Variants in PCDHB14 observed in about 807,000 individuals in gnomAD.
PCDHB14 encodes protocadherin beta-14.
For missense variants in PCDHB14, 1,129 were observed against 1,000.5 expected (o/e 1.13, Z -1.73); for synonymous variants, 511 against 441.5 (o/e 1.16, Z -1.97).
chr5:141,223,533 C>A lies in PCDHB14; in HGVS notation c.28C>A (p.Arg10=), dbSNP rs147283704. Residue 10 remains arginine (R), a synonymous_variant, in exon 1 of 1, where the codon CGA becomes AGA. Transcript: ENST00000239449. The part of the protein sequence containing the change: MEIRGALDL[R]KRQVLIFLVL... Reference sequence around the variant, plus strand: ...GGAGATCAGAGGGGCACTCGATCTGCGAAAAAGGCAAGTTCTAATATTCCT... The same window carrying A: ...GGAGATCAGAGGGGCACTCGATCTGAGAAAAAGGCAAGTTCTAATATTCCT... The A allele has an allele frequency of 6.2e-7, 1 of 1,612,064 alleles. No homozygotes were observed. Among genetic ancestry groups the A allele is most frequent in the South Asian group, 1.1e-5 (1 of 90,930 alleles).
In PCDHB14 at chr5:141,225,974, G is replaced by C. The variant is rs149077640; in HGVS notation, c.*72G>C. Reference sequence around the variant, plus strand: ...GATGGTACTTTTTGCATAATCTTTTGTGGATTCTTGGTTGTACTGTAGTTG... The same window carrying C: ...GATGGTACTTTTTGCATAATCTTTTCTGGATTCTTGGTTGTACTGTAGTTG... On this transcript the variant is annotated 3_prime_UTR_variant, in exon 1 of 1. Transcript: ENST00000239449. 4.5e-3 allele frequency: 6,167 copies of C among 1,378,730 alleles called. 30 individuals are homozygous for C. The highest frequency in any genetic ancestry group is 5.5e-3 in the South Asian group (404 of 73,346). The allele number at this position is 1,378,730 out of a possible 1,614,324, so 85.4% of individuals were successfully genotyped here.
At position 141,226,068 on chromosome 5, in the gene PCDHB14, G is replaced by T. The variant is rs1289181619; in HGVS notation, c.*166G>T. The T allele has an allele frequency of 3.0e-6, 2 of 664,378 alleles. No homozygotes were observed. Among genetic ancestry groups the T allele is most frequent in the African/African-American group, 1.8e-5 (1 of 54,724 alleles). The allele number at this position is 664,378 out of a possible 1,614,324, so 41.2% of individuals were successfully genotyped here. ...AATCTTTATTAGTGGCTATAATGACGTGGAAATGTAATCTGTGTTTTCTGG... is the reference window on the plus strand; with the variant it reads ...AATCTTTATTAGTGGCTATAATGACTTGGAAATGTAATCTGTGTTTTCTGG... On this transcript the variant is annotated 3_prime_UTR_variant, in exon 1 of 1. Transcript: ENST00000239449.
rs1277062277 is a variant in PCDHB14 at position 141,224,709 on chromosome 5, A to G, written c.1204A>G (p.Thr402Ala). The G allele has an allele frequency of 3.1e-6, 5 of 1,613,980 alleles. No individual in the cohort carries two copies. Among genetic ancestry groups the G allele is most frequent in the Admixed American group, 1.7e-5 (1 of 60,008 alleles). ...FLKPTFKNFFTLVSEKALDRE... is the reference protein window; with the variant it reads ...FLKPTFKNFFALVSEKALDRE... ...GAAACCGACCTTCAAGAACTTTTTC[A>G]CTCTAGTTTCTGAAAAAGCACTGGA... The change falls in exon 1 of 1, where the codon ACT becomes GCT. Residue 402 changes from threonine to alanine, a missense_variant. By Grantham distance (58) the Thr-to-Ala change is moderately conservative. Transcript: ENST00000239449.
In PCDHB14 at chr5:141,226,028, C is replaced by G. The variant is rs1336209524; in HGVS notation, c.*126C>G. On this transcript the variant is annotated 3_prime_UTR_variant, in exon 1 of 1. Coordinates refer to ENST00000239449, the MANE Select transcript of PCDHB14 (RefSeq NM_018934.4). ...GCATGATTATAGCTCTTGTTTTTCTCACAGTTTCTTTAAAAATCTTTATTA... is the reference window on the plus strand; with the variant it reads ...GCATGATTATAGCTCTTGTTTTTCTGACAGTTTCTTTAAAAATCTTTATTA... The G allele has an allele frequency of 1.2e-6, 1 of 856,278 alleles. No individual in the cohort carries two copies. The highest frequency in any genetic ancestry group is 1.7e-5 in the African/African-American group (1 of 58,500). 53.0% of individuals were successfully genotyped at this position (856,278 alleles called of 1,614,324 possible). A position where few individuals can be genotyped will look rare whatever the true frequency, so the allele number is the denominator to read the frequency against.
chr5:141,224,836 T>C lies in PCDHB14; in HGVS notation c.1331T>C (p.Val444Ala). ...EYNITVLLSD[V>A]NDNAPTFTQT... ...AACATAACCGTGCTGCTCTCTGACG[T>C]CAATGACAACGCCCCCACCTTCACC... Residue 444 changes from valine to alanine, a missense_variant, in exon 1 of 1, where the codon GTC (valine) becomes GCC (alanine). Physicochemically the swap from Val to Ala is moderately conservative, Grantham distance 64. Coordinates refer to ENST00000239449, the MANE Select transcript of PCDHB14 (RefSeq NM_018934.4). The C allele has an allele frequency of 6.2e-7, 1 of 1,613,966 alleles. No homozygotes were observed. The highest frequency in any genetic ancestry group is 8.5e-7 in the Non-Finnish European group (1 of 1,180,038).
chr5:141,226,541 C>G lies in PCDHB14; in HGVS notation c.*639C>G, dbSNP rs991077510. Reference sequence around the variant, plus strand: ...CTTATAATGCTCTGGGCTTTGCTGTCACTCTTTGGTTTTCTTAATTTAATT... The same window carrying G: ...CTTATAATGCTCTGGGCTTTGCTGTGACTCTTTGGTTTTCTTAATTTAATT... On this transcript the variant is annotated 3_prime_UTR_variant, in exon 1 of 1. Transcript: ENST00000239449. 6.6e-6 allele frequency: 1 copy of G among 152,168 alleles called. No individual in the cohort carries two copies. The highest frequency in any genetic ancestry group is 1.5e-5 in the Non-Finnish European group (1 of 68,058). 9.4% of individuals were successfully genotyped at this position (152,168 alleles called of 1,614,324 possible).
At position 141,226,669 on chromosome 5, in the gene PCDHB14, G is replaced by A. The variant is rs1754868176; in HGVS notation, c.*767G>A. The A allele has an allele frequency of 6.6e-6, 1 of 152,216 alleles. No homozygotes were observed. The highest frequency in any genetic ancestry group is 2.1e-4 in the South Asian group (1 of 4,818). 9.4% of individuals were successfully genotyped at this position (152,216 alleles called of 1,614,324 possible). On this transcript the variant is annotated 3_prime_UTR_variant, in exon 1 of 1. Transcript: ENST00000239449. The stretch of plus-strand genomic sequence containing the variant: ...TGCCGCCTTGACTTCCTGGGTTCAG[G>A]TGATTCTCCTGCCTCAGCCTCCTGA...
Position 141,223,908 on chromosome 5 carries a change from G to A in PCDHB14, c.403G>A (p.Asp135Asn), listed in dbSNP as rs137950321. ...AAATGATCACTCCCCTACATTTCTA[G>A]ACAAGGAAATACTTATTAAAATATC... ...DINDHSPTFLDKEILIKISEG... is the reference protein window; with the variant it reads ...DINDHSPTFLNKEILIKISEG... Residue 135 changes from aspartate to asparagine, a missense_variant, in exon 1 of 1, where the codon GAC (aspartate) becomes AAC (asparagine). Transcript: ENST00000239449. 6.1e-5 allele frequency: 99 copies of A among 1,613,854 alleles called. No homozygotes were observed. The East Asian group carries it at 1.9e-3, about 31-fold the overall frequency.
rs1197508377 is a variant in PCDHB14, at chr5:141,225,711, C to A, written c.2206C>A (p.Leu736Met). The A allele has an allele frequency of 2.4e-5, 38 of 1,613,896 alleles. No homozygotes were observed. Among genetic ancestry groups the A allele is most frequent in the Non-Finnish European group, 2.9e-5 (34 of 1,179,856 alleles). Reference sequence around the variant, plus strand: ...GCCCGAGGGTCCCTTTCCAGGGCATCTGGTGGACGTGAGCGGCACCGGGAC... The same window carrying A: ...GCCCGAGGGTCCCTTTCCAGGGCATATGGTGGACGTGAGCGGCACCGGGAC... Reference protein sequence around the residue: ...SVPEGPFPGHLVDVSGTGTLS... With the variant: ...SVPEGPFPGHMVDVSGTGTLS... The change falls in exon 1 of 1, where the codon CTG becomes ATG. Residue 736 changes from leucine to methionine, a missense_variant. Physicochemically the swap from Leu to Met is conservative, Grantham distance 15. Coordinates refer to ENST00000239449, the MANE Select transcript of PCDHB14 (RefSeq NM_018934.4).
chr5:141,224,826 C>T lies in PCDHB14; in HGVS notation c.1321C>T (p.Leu441Phe), dbSNP rs542891236. Residue 441 changes from leucine (L) to phenylalanine (F), a missense_variant, in exon 1 of 1, where the codon CTC (leucine) becomes TTC (phenylalanine). Coordinates refer to ENST00000239449, the MANE Select transcript of PCDHB14 (RefSeq NM_018934.4). ...LKTEYNITVL[L>F]SDVNDNAPTF... is the part of the protein sequence containing the mutation. ...AACCGAGTACAACATAACCGTGCTG[C>T]TCTCTGACGTCAATGACAACGCCCC... 1 of 1,614,044 alleles carries T rather than the reference C, an allele frequency of 6.2e-7. No individual in the cohort carries two copies. The highest frequency in any genetic ancestry group is 2.2e-5 in the East Asian group (1 of 44,878).
At position 141,224,928 on chromosome 5, in the gene PCDHB14, G is replaced by A. The variant is rs147886619; in HGVS notation, c.1423G>A (p.Ala475Thr). 2 of 1,612,856 alleles carry A rather than the reference G, an allele frequency of 1.2e-6. No homozygotes were observed. The highest frequency in any genetic ancestry group is 3.3e-5 in the Admixed American group (2 of 60,022). ...CGCCCTGCACATCGGCAGCGTCAGC[G>A]CCACAGACAGAGACTCAGGCACCAA... ...SPALHIGSVS[A>T]TDRDSGTNAQ... Residue 475 changes from alanine to threonine, a missense_variant, in exon 1 of 1, where the codon GCC becomes ACC. Ala to Thr is a moderately conservative substitution (Grantham distance 58, BLOSUM62 0). Transcript: ENST00000239449.
chr5:141,224,104 T>G lies in PCDHB14; in HGVS notation c.599T>G (p.Leu200Ter). 1 of 1,614,058 alleles carries G rather than the reference T, an allele frequency of 6.2e-7. No homozygotes were observed. Among genetic ancestry groups the G allele is most frequent in the Non-Finnish European group, 8.5e-7 (1 of 1,180,020 alleles). ...CCAGAGCTGGTCCTAGATAGAGCTT[T>G]AGATTATGAACAGGAAGCTGAACTC... ...IYPELVLDRA[L>*]DYEQEAELRL... The change falls in exon 1 of 1, where the codon TTA becomes TGA. Residue 200 changes from leucine to a stop codon, truncating the protein, a stop_gained. Transcript: ENST00000239449. LOFTEE classifies it low-confidence loss of function (END_TRUNC).
At position 141,224,411 on chromosome 5, in the gene PCDHB14, T is replaced by C. The variant is rs1236100580; in HGVS notation, c.906T>C (p.Asn302=). ...FEINPISGEV[N]LRSPLDFEVI... Reference sequence around the variant, plus strand: ...TTAATCCAATATCTGGGGAAGTTAATTTGAGATCACCCCTGGATTTTGAAG... The same window carrying C: ...TTAATCCAATATCTGGGGAAGTTAACTTGAGATCACCCCTGGATTTTGAAG... The change falls in exon 1 of 1, where the codon AAT becomes AAC. Residue 302 remains asparagine, a synonymous_variant. Coordinates refer to ENST00000239449, the MANE Select transcript of PCDHB14 (RefSeq NM_018934.4). The C allele has an allele frequency of 3.7e-6, 6 of 1,606,766 alleles. No individual in the cohort carries two copies. Among genetic ancestry groups the C allele is most frequent in the African/African-American group, 2.7e-5 (2 of 74,528 alleles).
rs1157307617 is a variant in PCDHB14, at chr5:141,226,130, A to C, written c.*228A>C. The C allele has an allele frequency of 1.9e-6, 1 of 526,554 alleles. No homozygotes were observed. The highest frequency in any genetic ancestry group is 3.8e-5 in the Admixed American group (1 of 26,174). The allele number at this position is 526,554 out of a possible 1,614,324, so 32.6% of individuals were successfully genotyped here. A position where few individuals can be genotyped will look rare whatever the true frequency, so the allele number is the denominator to read the frequency against. ...TTTGGCCAAAATGTTATATTAATGG[A>C]GTTATTGCTATTTTTGCTGTGATAA... On this transcript the variant is annotated 3_prime_UTR_variant, in exon 1 of 1. Coordinates refer to ENST00000239449, the MANE Select transcript of PCDHB14 (RefSeq NM_018934.4).
In PCDHB14 at chr5:141,225,341, C is replaced by T. The variant is rs781857021; in HGVS notation, c.1836C>T (p.Pro612=). 24 of 1,602,854 alleles carry T rather than the reference C, an allele frequency of 1.5e-5. No homozygotes were observed. The highest frequency in any genetic ancestry group is 6.7e-5 in the Admixed American group (4 of 59,870). ...ACCAGCTGCTCAAGGCCACGGAGCC[C>T]GGGCTGTTCGGCGTGTGGGCGCACA... The part of the protein sequence containing the change: ...LSYQLLKATE[P]GLFGVWAHNG... The change falls in exon 1 of 1, where the codon CCC becomes CCT. Residue 612 remains proline, a synonymous_variant. Coordinates refer to ENST00000239449, the MANE Select transcript of PCDHB14 (RefSeq NM_018934.4).
In PCDHB14 at chr5:141,225,808, A is replaced by G. The variant is rs1554289589; in HGVS notation, c.2303A>G (p.Lys768Arg). The G allele has an allele frequency of 6.2e-7, 1 of 1,614,186 alleles. No individual in the cohort carries two copies. The highest frequency in any genetic ancestry group is 1.1e-5 in the South Asian group (1 of 91,078). ...GSGTNEFKFL[K>R]PIIPNFQVHD... ...GGGACAAATGAGTTCAAATTTCTGA[A>G]GCCGATTATCCCCAATTTTCAAGTT... Residue 768 changes from lysine (K) to arginine (R), a missense_variant, in exon 1 of 1, where the codon AAG (lysine) becomes AGG (arginine). Transcript: ENST00000239449.
Position 141,224,894 on chromosome 5 carries a change from C to T in PCDHB14, c.1389C>T (p.Asn463=), listed in dbSNP as rs1554289270. 2 of 1,613,350 alleles carry T rather than the reference C, an allele frequency of 1.2e-6. No homozygotes were observed. Among genetic ancestry groups the T allele is most frequent in the Non-Finnish European group, 8.5e-7 (1 of 1,180,032 alleles). The change falls in exon 1 of 1, where the codon AAC becomes AAT. Residue 463 remains asparagine, a synonymous_variant. Coordinates refer to ENST00000239449, the MANE Select transcript of PCDHB14 (RefSeq NM_018934.4). The stretch of plus-strand genomic sequence containing the variant: ...CCTACACCCTGTTCGTCCGCGAGAA[C>T]AACAGCCCCGCCCTGCACATCGGCA... ...QTSYTLFVRE[N]NSPALHIGSV...
In PCDHB14 at chr5:141,223,971, A is replaced by G; in HGVS notation, c.466A>G (p.Ser156Gly). Residue 156 changes from serine to glycine, a missense_variant, in exon 1 of 1, where the codon AGT (serine) becomes GGT (glycine). Physicochemically the swap from Ser to Gly is moderately conservative, Grantham distance 56. Coordinates refer to ENST00000239449, the MANE Select transcript of PCDHB14 (RefSeq NM_018934.4). ...TTVGATFLME[S>G]AQDLDVGSNS... ...TGTTGGAGCTACCTTTCTAATGGAGAGTGCTCAAGATTTGGATGTCGGAAG... is the reference window on the plus strand; with the variant it reads ...TGTTGGAGCTACCTTTCTAATGGAGGGTGCTCAAGATTTGGATGTCGGAAG... 6.2e-7 allele frequency: 1 copy of G among 1,613,830 alleles called. No homozygotes were observed. Among genetic ancestry groups the G allele is most frequent in the Non-Finnish European group, 8.5e-7 (1 of 1,179,904 alleles).
chr5:141,223,820 T>C lies in PCDHB14; in HGVS notation c.315T>C (p.His105=). 1 of 1,613,748 alleles carries C rather than the reference T, an allele frequency of 6.2e-7. No homozygotes were observed. The highest frequency in any genetic ancestry group is 8.5e-7 in the Non-Finnish European group (1 of 1,179,916). The change falls in exon 1 of 1, where the codon CAT becomes CAC. Residue 105 remains histidine (H), a synonymous_variant. Transcript: ENST00000239449. ...LCGSTEPCVL[H]FQVVLENPLQ... is the part of the protein sequence containing the mutation. ...GCTCCACCGAGCCCTGTGTGCTGCA[T>C]TTTCAGGTGGTTTTGGAAAACCCTT...
Sources: allele counts gnomAD v4.1 joint callset, GRCh38; gene constraint gnomAD v4.1.1; transcripts MANE v1.5; gene names NCBI Gene and HGNC (gene_info 2026-07-23, HGNC 2026-07-21).